GYG1: variants seen among roughly 807,000 people sequenced by gnomAD.
The protein encoded by GYG1 is glycogenin-1.
In GYG1, 44 loss-of-function variants were observed where a neutral mutation model predicts 41.9. That is an observed-to-expected ratio of 1.05 (90% confidence interval 0.83 to 1.35). GYG1 has a LOEUF of 1.35. Ranked by LOEUF, GYG1 falls within the 40% of genes most tolerant of loss-of-function variation. The probability of loss-of-function intolerance (pLI) is 0.00; values close to 1 mark genes in which losing one functional copy is unlikely to be tolerated. For synonymous variants in GYG1, 141 were observed against 158.1 expected (o/e 0.89, Z 0.81); for missense variants, 429 against 418.9 (o/e 1.02, Z -0.21).
intron 4 of GYG1, among the ~76,000 whole-genome samples, chr3:149,006,804 A>G (rs1713428911): frequency 6.6e-6 from 1 of 152,224 alleles, no homozygotes; most frequent in Non-Finnish European, 1.5e-5. Context: ...CTCAGCCATT[A>G]GTGTCTAGTC....
intron 5 of GYG1, among the ~76,000 whole-genome samples, chr3:149,010,650 T>C (rs1288882931): frequency 2.0e-5 from 3 of 152,140 alleles, no homozygotes; most frequent in Non-Finnish European, 4.4e-5. Context: ...TGATACACCT[T>C]ACAACTAATA....
chr3:149,000,654 CTGTA>C (rs1713042251), intron 4 of GYG1, among the ~76,000 whole-genome samples: 1 of 152,142 alleles, frequency 6.6e-6, no homozygotes, highest in Non-Finnish European at 1.5e-5. Flanking sequence ...TCTATTTTGT[CTGTA>C]TGTGTTAGTT....
chr3:148,998,357 A>AT (rs1712921213), intron 4 of GYG1, among the ~76,000 whole-genome samples: 1 of 152,210 alleles, frequency 6.6e-6, no homozygotes, highest in African/African-American at 2.4e-5. Flanking sequence ...GTCTGGAGAC[A>AT]TTTTTGGTTG....
At position 149,004,209 on chromosome 3, in the gene GYG1, A is replaced by G. The variant is rs115043328; in HGVS notation, c.482-5067A>G. On this transcript the variant is annotated intron_variant, in intron 4 of 7. Coordinates refer to ENST00000345003, the MANE Select transcript of GYG1 (RefSeq NM_004130.4). ...ACCACACCCTGGTGTACCGGATCAC[A>G]GCTGCTAGTGATGCCTGCTAATCAT... 1.8e-3 allele frequency among the ~76,000 whole-genome samples: 269 copies of G among 152,322 alleles called. 1 individual carries two copies. Among genetic ancestry groups the G allele is most frequent in the African/African-American group, 6.1e-3 (255 of 41,562 alleles).
intron 5 of GYG1, 55 bp from the exon 6 acceptor site, chr3:149,023,998 C>A: frequency 8.0e-7 from 1 of 1,249,200 alleles, no homozygotes; most frequent in Non-Finnish European, 1.2e-6. Flanking sequence ...TGCTGCTTAT[C>A]TTTTTGTCAG....
chr3:149,022,420 C>G (rs931100525), intron 5 of GYG1, among the ~76,000 whole-genome samples: 3 of 151,620 alleles, frequency 2.0e-5, no homozygotes, highest in African/African-American at 7.3e-5. Context: ...GCCTTTCCCC[C>G]AGAGGTAACC....
At chr3:148,993,550 A>G (rs764436427) in intron 1 of GYG1, among the ~76,000 whole-genome samples, 4 of 152,320 alleles carry the variant, frequency 2.6e-5, no homozygotes, top group Non-Finnish European at 2.9e-5. Flanking sequence ...TTGAGGAAAC[A>G]GTTATGTATA....
chr3:149,030,321 G>A lies in GYG1; in HGVS notation c.*3388G>A, dbSNP rs1207052922. The stretch of plus-strand genomic sequence containing the variant: ...TTTATATATTTATCCTTCTTAGGAA[G>A]GACAAATTAAATTTTTTAAATTAAA... On this transcript the variant is annotated 3_prime_UTR_variant, in exon 8 of 8. Coordinates refer to ENST00000345003, the MANE Select transcript of GYG1 (RefSeq NM_004130.4). 6.6e-6 allele frequency: 1 copy of A among 151,936 alleles called. No homozygotes were observed. The highest frequency in any genetic ancestry group is 1.5e-5 in the Non-Finnish European group (1 of 67,962). The allele number at this position is 151,936 out of a possible 1,614,324, so 9.4% of individuals were successfully genotyped here.
At chr3:149,003,472 G>A (rs556620903) in intron 4 of GYG1, among the ~76,000 whole-genome samples, 1 of 152,194 alleles carries the variant, frequency 6.6e-6, no homozygotes, top group Non-Finnish European at 1.5e-5. Context: ...GTATCTGAGA[G>A]TTGGAACCTA....
chr3:148,992,123 CGCCCCG>C (rs527734249), intron 1 of GYG1, among the ~76,000 whole-genome samples: 18 of 152,224 alleles, frequency 1.2e-4, no homozygotes, highest in Admixed American at 3.3e-4. Flanking sequence ...CTCCGCCGCC[CGCCCCG>C]GCCCCGGCCG....
Position 149,008,609 on chromosome 3 carries a change from G to A in GYG1, c.482-667G>A, listed in dbSNP as rs1458375021. Among the ~76,000 whole-genome samples, 5 of 152,198 alleles carry A rather than the reference G, an allele frequency of 3.3e-5. No homozygotes were observed. In the South Asian group the frequency reaches 6.2e-4, roughly 19 times the overall value. ...AGCCACTTCCACGTGTGCCTGTAGT[G>A]CCACGTACATTCCTTCACTGCATTC... is the stretch of plus-strand genomic sequence containing the variant. On this transcript the variant is annotated intron_variant, in intron 4 of 7. Coordinates refer to ENST00000345003, the MANE Select transcript of GYG1 (RefSeq NM_004130.4).
intron 4 of GYG1, among the ~76,000 whole-genome samples, chr3:149,002,720 G>A (rs1397358910): frequency 6.6e-6 from 1 of 152,162 alleles, no homozygotes; most frequent in Non-Finnish European, 1.5e-5. Flanking sequence ...TTTGTAGGAA[G>A]TTAGTTTTAA....
chr3:149,014,347 C>T (rs1293990212), intron 5 of GYG1, among the ~76,000 whole-genome samples: 1 of 152,174 alleles, frequency 6.6e-6, no homozygotes, highest in African/African-American at 2.4e-5. Context: ...GGACCCAACC[C>T]AGCCTTTAGA....
chr3:148,993,535 C>T (rs1341670656), intron 1 of GYG1, among the ~76,000 whole-genome samples: 2 of 152,092 alleles, frequency 1.3e-5, no homozygotes, highest in African/African-American at 4.8e-5. Flanking sequence ...AGCTTTTGCT[C>T]CACGTTGAGG....
intron 4 of GYG1, 105 bp from the exon 5 acceptor site, chr3:149,009,171 A>G: frequency 2.1e-6 from 2 of 944,910 alleles, no homozygotes; most frequent in South Asian, 1.5e-5. Flanking sequence ...AAAAAAAAAA[A>G]AAATGGAATT....
intron 1 of GYG1, 146 bp from the exon 2 acceptor site, chr3:148,993,996 C>T (rs1186107788): frequency 1.2e-5 from 9 of 742,852 alleles, no homozygotes; most frequent in Admixed American, 1.1e-4. Flanking sequence ...GGGGTTTTCT[C>T]CCCAAAGGGC....
At chr3:149,003,226 C>T (rs1326824577) in intron 4 of GYG1, among the ~76,000 whole-genome samples, 1 of 151,368 alleles carries the variant, frequency 6.6e-6, no homozygotes, top group Admixed American at 6.6e-5. Context: ...AGTGATTCTC[C>T]TGCCTCAGCC....
Position 149,028,705 on chromosome 3 carries a change from A to ATTTTTTTTTTT in GYG1, c.*1785_*1795dup, listed in dbSNP as rs71617496. On this transcript the variant is annotated 3_prime_UTR_variant, in exon 8 of 8. Coordinates refer to ENST00000345003, the MANE Select transcript of GYG1 (RefSeq NM_004130.4). ...GGTGGAAAAGCTGACATAGTTTTAA[A>ATTTTTTTTTTT]TTTTTTTTTTTTTTTTTTTTTTTCT... 3.0e-5 allele frequency among the ~76,000 whole-genome samples: 4 copies of ATTTTTTTTTTT among 133,720 alleles called. No homozygotes were observed. Among genetic ancestry groups the ATTTTTTTTTTT allele is most frequent in the Admixed American group, 7.6e-5 (1 of 13,080 alleles). 87.7% of individuals were successfully genotyped at this position (133,720 alleles called of 152,430 possible). A position where few individuals can be genotyped will look rare whatever the true frequency, so the allele number is the denominator to read the frequency against.
chr3:148,998,034 AT>A (rs1206838587), intron 4 of GYG1, among the ~76,000 whole-genome samples: 8 of 152,360 alleles, frequency 5.3e-5, no homozygotes, highest in South Asian at 2.1e-4. Context: ...AGTTAAAAAA[AT>A]ATTAAACTTT....
Sources: allele counts gnomAD v4.1 joint callset (sites outside exome capture counted in the v4.1 genomes callset), GRCh38; gene constraint gnomAD v4.1.1; transcripts MANE v1.5; gene names NCBI Gene and HGNC (gene_info 2026-07-23, HGNC 2026-07-21).